The following ANKFN1 variants were observed in gnomAD, a reference collection of about 807,000 sequenced individuals.
ANKFN1 encodes ankyrin repeat and fibronectin type-III domain-containing protein 1.
A neutral mutation model predicts 108.7 loss-of-function variants in ANKFN1; 74 were observed. That is an observed-to-expected ratio of 0.68 (90% CI 0.56 to 0.83). The LOEUF (loss-of-function observed/expected upper bound fraction) is 0.83. Among genes scored for constraint, ANKFN1 ranks in the 40% least tolerant of loss-of-function variants. The pLI, the probability that ANKFN1 is intolerant of heterozygous loss-of-function variation, is 0.00. For synonymous variants in ANKFN1, 547 were observed against 516.2 expected (o/e 1.06, Z -0.81); for missense variants, 1,505 against 1,382.3 (o/e 1.09, Z -1.41).
chr17:56,237,367 C>T (rs1182925176), intron 3 of ANKFN1, among the ~76,000 whole-genome samples: 1 of 152,066 alleles, frequency 6.6e-6, no homozygotes, highest in East Asian at 1.9e-4. Flanking sequence ...TCTTTTACAT[C>T]TCTTTGTACA....
chr17:56,104,907 G>A (rs1268928460), intron 4 of ANKFN1, among the ~76,000 whole-genome samples: 2 of 152,172 alleles, frequency 1.3e-5, no homozygotes, highest in East Asian at 3.9e-4. Context: ...GATATGCTTT[G>A]CAAAGCCTCC....
chr17:56,153,836 A>G (rs1275258374), intron 1 of ANKFN1, among the ~76,000 whole-genome samples: 1 of 152,142 alleles, frequency 6.6e-6, no homozygotes, highest in Non-Finnish European at 1.5e-5. Context: ...TATCCTTATC[A>G]TTTTATTTAT....
chr17:56,276,175 G>A (rs2043926964), intron 3 of ANKFN1, among the ~76,000 whole-genome samples: 1 of 152,078 alleles, frequency 6.6e-6, no homozygotes, highest in Non-Finnish European at 1.5e-5. Flanking sequence ...CTTCATCCAT[G>A]TCCTGCAAAG....
intron 8 of ANKFN1, among the ~76,000 whole-genome samples, chr17:56,389,089 T>C (rs560507736): frequency 4.6e-5 from 7 of 151,952 alleles, no homozygotes; most frequent in Admixed American, 2.0e-4. Context: ...GAAAGTTTAC[T>C]TTTATAGAGA....
In ANKFN1 at chr17:56,220,995, G is replaced by C. The variant is rs533646007; in HGVS notation, c.13-6922G>C. ...AAGAAAAGAGGTTTAATTGGCTCAT[G>C]GTTCTGCAGGCTGCACAGGATCATG... On this transcript the variant is annotated intron_variant, in intron 2 of 20. Coordinates refer to ENST00000682825, the MANE Select transcript of ANKFN1 (RefSeq NM_001370326.1). Among the ~76,000 whole-genome samples the C allele has an allele frequency of 4.6e-5, 7 of 152,268 alleles. No homozygotes were observed. In the South Asian group the frequency reaches 1.2e-3, roughly 27 times the overall value.
chr17:56,487,884 G>A (rs986487962), intron 18 of ANKFN1, among the ~76,000 whole-genome samples: 2 of 152,210 alleles, frequency 1.3e-5, no homozygotes, highest in African/African-American at 4.8e-5. Context: ...AGAAGGGACA[G>A]TATGTACAAA....
intron 3 of ANKFN1, among the ~76,000 whole-genome samples, chr17:56,268,370 C>G (rs1306361633): frequency 6.6e-6 from 1 of 152,168 alleles, no homozygotes; most frequent in African/African-American, 2.4e-5. Context: ...TCAAGAAATT[C>G]TTTGACGCTA....
At chr17:56,173,366 T>C (rs753013176) in intron 1 of ANKFN1, among the ~76,000 whole-genome samples, 1 of 152,196 alleles carries the variant, frequency 6.6e-6, no homozygotes, top group South Asian at 2.1e-4. Context: ...AAGTATGTGC[T>C]TAAGTATCAC....
rs368359454 is a variant in ANKFN1, at chr17:56,249,389, G to A, written c.53+21432G>A. On this transcript the variant is annotated intron_variant, in intron 3 of 20. Coordinates refer to ENST00000682825, the MANE Select transcript of ANKFN1 (RefSeq NM_001370326.1). ...GCAGAGATTGCAGTAAGCCAAGATC[G>A]CCCCACTGTGCTCCAGCCTGGATGA... Among the ~76,000 whole-genome samples, 24 of 151,610 alleles carry A rather than the reference G, an allele frequency of 1.6e-4. No individual in the cohort carries two copies. In the East Asian group the frequency reaches 1.9e-3, roughly 12 times the overall value.
chr17:56,138,375 C>A (rs1310352611), intron 4 of ANKFN1, among the ~76,000 whole-genome samples: 1 of 152,190 alleles, frequency 6.6e-6, no homozygotes, highest in Non-Finnish European at 1.5e-5. Context: ...TGAAGTAAAT[C>A]TTGGGTAAGA....
intron 13 of ANKFN1, 27 bp from the exon 14 acceptor site, chr17:56,457,836 G>A (rs1598643299): frequency 6.4e-7 from 1 of 1,551,332 alleles, no homozygotes. Context: ...CTTGGACGAT[G>A]ACATGATTGC....
intron 4 of ANKFN1, among the ~76,000 whole-genome samples, chr17:56,109,767 A>G (rs1332412793): frequency 2.6e-5 from 4 of 152,240 alleles, no homozygotes; most frequent in Admixed American, 2.0e-4. Flanking sequence ...ATACCTGTCA[A>G]CAGTTCTAAT....
chr17:56,272,068 T>C (rs912281646), intron 3 of ANKFN1, among the ~76,000 whole-genome samples: 1 of 152,222 alleles, frequency 6.6e-6, no homozygotes, highest in Non-Finnish European at 1.5e-5. Flanking sequence ...TAGGACAATA[T>C]TAGAACACCT....
intron 5 of ANKFN1, among the ~76,000 whole-genome samples, chr17:56,352,153 T>C (rs1452576491): frequency 6.6e-6 from 1 of 152,202 alleles, no homozygotes; most frequent in Non-Finnish European, 1.5e-5. Context: ...TTTAGCAGAT[T>C]GTGGATAAAA....
chr17:56,167,764 A>G (rs1182356590), intron 1 of ANKFN1, among the ~76,000 whole-genome samples: 1 of 152,128 alleles, frequency 6.6e-6, no homozygotes, highest in Non-Finnish European at 1.5e-5. Flanking sequence ...CCTTACAACT[A>G]TGTCATCTGG....
chr17:56,371,259 AAAAG>A (rs2046804262), intron 6 of ANKFN1, among the ~76,000 whole-genome samples: 1 of 152,210 alleles, frequency 6.6e-6, no homozygotes, highest in South Asian at 2.1e-4. Flanking sequence ...AGCAACTTTA[AAAAG>A]AAAGAAGAAA....
intron 3 of ANKFN1, among the ~76,000 whole-genome samples, chr17:56,230,737 G>A (rs2143930993): frequency 6.6e-6 from 1 of 152,124 alleles, no homozygotes; most frequent in East Asian, 1.9e-4. Flanking sequence ...ATTATCTAGA[G>A]GCCTGTAAAA....
chr17:56,187,692 T>A (rs80351209), intron 1 of ANKFN1, among the ~76,000 whole-genome samples: 5 of 152,160 alleles, frequency 3.3e-5, no homozygotes, highest in Non-Finnish European at 5.9e-5. Flanking sequence ...CAAATGTCCA[T>A]CAATGATAGA....
At chr17:56,419,285 C>A (rs1163125751) in intron 8 of ANKFN1, among the ~76,000 whole-genome samples, 1 of 151,920 alleles carries the variant, frequency 6.6e-6, no homozygotes, top group African/African-American at 2.4e-5. Context: ...AATTCGAGAC[C>A]AGCCTGACCA....
Sources: gnomAD v4.1 joint callset for allele counts (sites outside exome capture counted in the v4.1 genomes callset) on GRCh38, gnomAD v4.1.1 for gene constraint, MANE v1.5 for transcripts, NCBI Gene and HGNC (gene_info 2026-07-23, HGNC 2026-07-21) for gene names.